Variants in TMEM247 observed in about 807,000 individuals in gnomAD.
TMEM247 encodes the protein transmembrane protein 247.
Under a neutral mutation model 20.7 loss-of-function variants are expected in TMEM247, and 23 were observed. That is an observed-to-expected ratio of 1.11 (90% CI 0.80 to 1.57). The LOEUF is 1.57. Ranked by LOEUF, TMEM247 falls within the 40% of genes most tolerant of loss-of-function variation. The probability of loss-of-function intolerance (pLI) is 0.00; values close to 1 mark genes in which losing one functional copy is unlikely to be tolerated. For missense variants in TMEM247, 354 were observed against 283.8 expected (o/e 1.25, Z -1.78); for synonymous variants, 106 against 111.9 (o/e 0.95, Z 0.33).
intron 2 of TMEM247, among the ~76,000 whole-genome samples, chr2:46,481,564 A>G (rs973845760): frequency 5.9e-5 from 9 of 152,236 alleles, no homozygotes; most frequent in Non-Finnish European, 8.8e-5. Flanking sequence ...TGGCTTGCTC[A>G]TCCATGAAGT....
chr2:46,480,863 C>T (rs1686874581), intron 2 of TMEM247, 99 bp downstream of exon 2: 3 of 1,398,368 alleles, frequency 2.1e-6, no homozygotes, highest in Admixed American at 2.7e-5. Flanking sequence ...TTGCGCGGCA[C>T]CCCACCCTGC....
intron 2 of TMEM247, among the ~76,000 whole-genome samples, chr2:46,483,131 C>A (rs111266519): frequency 3.9e-5 from 6 of 152,054 alleles, no homozygotes; most frequent in African/African-American, 1.4e-4. Context: ...CAAAAATATG[C>A]CATGATTTTT....
At chr2:46,479,968 C>G (rs761709960) in intron 1 of TMEM247, among the ~76,000 whole-genome samples, 17 of 152,146 alleles carry the variant, frequency 1.1e-4, no homozygotes, top group Non-Finnish European at 2.4e-4. Flanking sequence ...CCTGGCTCCC[C>G]ACCATAGCCC....
At chr2:46,480,284 A>T in intron 1 of TMEM247, 121 bp from the exon 2 acceptor site, 1 of 1,151,810 alleles carries the variant, frequency 8.7e-7, no homozygotes, top group Non-Finnish European at 1.2e-6. Flanking sequence ...TTCAGCCTAG[A>T]TCTTTACAAT....
exon 2 of TMEM247, chr2:46,480,725 G>T (rs761243026): frequency 6.4e-7 from 1 of 1,551,516 alleles, no homozygotes; most frequent in East Asian, 2.4e-5. Flanking sequence ...AGCACGAGGT[G>T]GTGATGGAGC....
At chr2:46,482,411 G>C (rs1006604519) in intron 2 of TMEM247, among the ~76,000 whole-genome samples, 1 of 152,192 alleles carries the variant, frequency 6.6e-6, no homozygotes, top group African/African-American at 2.4e-5. Flanking sequence ...ATTTAAAGCA[G>C]ATATGATATT....
In TMEM247 at chr2:46,484,216, C is replaced by T. The variant is rs926605652; in HGVS notation, c.478-28C>T. On this transcript the variant is annotated intron_variant, in intron 2 of 2. Transcript: ENST00000434431. ...TGCCTGGCGCCAACAATGGCATCAT[C>T]ATCTCCACTGTCTTCTCTCCCCCAC... 3.3e-6 allele frequency: 5 copies of T among 1,532,944 alleles called. No individual in the cohort carries two copies. In the African/African-American group the frequency reaches 4.1e-5, roughly 13 times the overall value. The allele number at this position is 1,532,944 out of a possible 1,614,324, so 95.0% of individuals were successfully genotyped here. A position where few individuals can be genotyped will look rare whatever the true frequency, so the allele number is the denominator to read the frequency against.
exon 2 of TMEM247, chr2:46,480,529 G>A (rs1039738121): frequency 1.3e-6 from 2 of 1,551,734 alleles, no homozygotes; most frequent in South Asian, 2.4e-5. Flanking sequence ...GCTACCAAAG[G>A]CCAGGCTGGC....
chr2:46,483,335 A>G (rs1387174117), intron 2 of TMEM247, among the ~76,000 whole-genome samples: 1 of 152,214 alleles, frequency 6.6e-6, no homozygotes, highest in Non-Finnish European at 1.5e-5. Context: ...GCTTTCCCCC[A>G]GCCCAAATAC....
chr2:46,484,364 A>C, exon 3 of TMEM247: 1 of 1,552,418 alleles, frequency 6.4e-7, no homozygotes, highest in East Asian at 2.4e-5. Flanking sequence ...TCTCTTCGCC[A>C]AGCACTACCT....
chr2:46,483,187 T>C (rs965098874), intron 2 of TMEM247, among the ~76,000 whole-genome samples: 2 of 152,246 alleles, frequency 1.3e-5, no homozygotes, highest in African/African-American at 2.4e-5. Flanking sequence ...CTCTTAACTA[T>C]GGATCAAAAT....
Position 46,480,638 on chromosome 2 carries a change from G to A in TMEM247, c.351G>A (p.Arg117=), listed in dbSNP as rs1477808009. 3.9e-6 allele frequency: 6 copies of A among 1,551,804 alleles called. No individual in the cohort carries two copies. In the South Asian group the frequency reaches 5.9e-5, roughly 15 times the overall value. Residue 117 remains arginine (R), a synonymous_variant, in exon 2 of 3, where the codon CGG becomes CGA. Transcript: ENST00000434431. ...TGCGCATGGAGTTCGAGCTCACGCGGCTCAAGTACCTGCATGAGAAGAACC... is the reference window on the plus strand; with the variant it reads ...TGCGCATGGAGTTCGAGCTCACGCGACTCAAGTACCTGCATGAGAAGAACC...
At chr2:46,479,881 G>A (rs1308853943) in intron 1 of TMEM247, among the ~76,000 whole-genome samples, 179 bp downstream of exon 1, 3 of 152,188 alleles carry the variant, frequency 2.0e-5, no homozygotes, top group South Asian at 2.1e-4. Flanking sequence ...ATAAGATTGT[G>A]AAGTCATATG....
At chr2:46,483,390 C>T (rs1262877228) in intron 2 of TMEM247, among the ~76,000 whole-genome samples, 3 of 152,188 alleles carry the variant, frequency 2.0e-5, no homozygotes, top group Non-Finnish European at 2.9e-5. Context: ...TCAGCACCTG[C>T]CTCCAAGAGA....
In TMEM247 at chr2:46,481,336, G is replaced by A. The variant is rs187607419; in HGVS notation, c.477+572G>A. ...ATCTTTTCACAAGAAGTACACCACT[G>A]TTCCCTAATCTGTATTAAATGGGGG... On this transcript the variant is annotated intron_variant, in intron 2 of 2. Transcript: ENST00000434431. 1.6e-4 allele frequency among the ~76,000 whole-genome samples: 25 copies of A among 152,308 alleles called. No individual in the cohort carries two copies. In the East Asian group the frequency reaches 4.1e-3, roughly 25 times the overall value.
chr2:46,484,300 G>C, exon 3 of TMEM247: 1 of 1,552,266 alleles, frequency 6.4e-7, no homozygotes, highest in African/African-American at 1.4e-5. Flanking sequence ...CCATGTTCCT[G>C]TACTGCTTCA....
exon 3 of TMEM247, chr2:46,484,360 C>T (rs534997492): frequency 4.5e-6 from 7 of 1,552,444 alleles, no homozygotes; most frequent in African/African-American, 1.4e-5. Flanking sequence ...TCTTTCTCTT[C>T]GCCAAGCACT....
exon 2 of TMEM247, chr2:46,480,692 G>A (rs1397669578): frequency 2.6e-6 from 4 of 1,550,744 alleles, no homozygotes; most frequent in Admixed American, 2.0e-5. Context: ...AGGTGGTGAT[G>A]GAGCAGCTGC....
exon 1 of TMEM247, chr2:46,479,609 G>C (rs148922746): frequency 2.6e-6 from 4 of 1,551,638 alleles, no homozygotes; most frequent in Non-Finnish European, 3.5e-6. Context: ...ACAGGGAGAT[G>C]ATGGAAGCCC....
Sources: allele counts gnomAD v4.1 joint callset (sites outside exome capture counted in the v4.1 genomes callset), GRCh38; gene constraint gnomAD v4.1.1; transcripts MANE v1.5; gene names NCBI Gene and HGNC (gene_info 2026-07-23, HGNC 2026-07-21).